MAN1A1: variants seen among roughly 807,000 people sequenced by gnomAD.
MAN1A1 encodes mannosidase alpha class 1A member 1.
In MAN1A1, 29 loss-of-function variants were observed where a neutral mutation model predicts 70.8. The observed-to-expected ratio is 0.41, with a 90% CI of 0.31 to 0.56. MAN1A1 has a LOEUF of 0.56. MAN1A1 is among the 20% of genes least tolerant of loss of function. The probability of loss-of-function intolerance (pLI) is 0.29; values close to 1 mark genes in which losing one functional copy is unlikely to be tolerated. For missense variants in MAN1A1, 747 were observed against 841.3 expected, an observed-to-expected ratio of 0.89 and a Z score of 1.39; for synonymous variants, 349 against 330.1, an observed-to-expected ratio of 1.06 and a Z score of -0.62.
At chr6:119,216,478 G>GA (rs1774206226) in intron 6 of MAN1A1, among the ~76,000 whole-genome samples, 1 of 152,186 alleles carries the variant, frequency 6.6e-6, no homozygotes, top group South Asian at 2.1e-4. Flanking sequence ...GCTAGCTCTA[G>GA]CAGCTGGGTA....
chr6:119,229,542 T>C (rs1055991769), intron 6 of MAN1A1, among the ~76,000 whole-genome samples: 23 of 152,246 alleles, frequency 1.5e-4, no homozygotes, highest in African/African-American at 4.8e-4. Context: ...AGCTTAAATA[T>C]GTAGGTATAT....
intron 5 of MAN1A1, among the ~76,000 whole-genome samples, chr6:119,249,210 A>G (rs955230348): frequency 6.6e-6 from 1 of 152,152 alleles, no homozygotes. Flanking sequence ...GGAATGGGGC[A>G]GCCTCCCTGA....
chr6:119,344,106 T>C (rs1773666696), intron 2 of MAN1A1, among the ~76,000 whole-genome samples: 1 of 152,232 alleles, frequency 6.6e-6, no homozygotes, highest in Non-Finnish European at 1.5e-5. Flanking sequence ...GATAAATTTT[T>C]CAAGATGGTT....
At chr6:119,256,927 G>A (rs898166331) in intron 5 of MAN1A1, among the ~76,000 whole-genome samples, 2 of 152,136 alleles carry the variant, frequency 1.3e-5, no homozygotes, top group Non-Finnish European at 2.9e-5. Flanking sequence ...CAACCAGGAA[G>A]GTAAGTCAGC....
intron 8 of MAN1A1, among the ~76,000 whole-genome samples, chr6:119,195,487 G>C (rs1354867123): frequency 2.0e-5 from 3 of 152,152 alleles, no homozygotes; most frequent in Non-Finnish European, 4.4e-5. Context: ...TTCCTCAAAG[G>C]AGTGTTCTCT....
At chr6:119,248,987 C>T (rs1365668919) in intron 5 of MAN1A1, among the ~76,000 whole-genome samples, 1 of 152,134 alleles carries the variant, frequency 6.6e-6, no homozygotes, top group Non-Finnish European at 1.5e-5. Context: ...ATATCTAGAA[C>T]ACAGATATAA....
rs143007647 is a variant in MAN1A1, at chr6:119,281,233, C to T, written c.897+9450G>A. ...GGTGCCACTTTATTGAAGGGTTTTT[C>T]CAGTGAGACTGGCTGGCTCCAGTTT... On this transcript the variant is annotated intron_variant, in intron 5 of 12. Transcript: ENST00000368468. Among the ~76,000 whole-genome samples the T allele has an allele frequency of 3.5e-3, 526 of 152,300 alleles. 4 individuals carry two copies. Among genetic ancestry groups the T allele is most frequent in the African/African-American group, 0.012 (496 of 41,556 alleles).
chr6:119,306,213 G>A (rs1163363293), intron 3 of MAN1A1, among the ~76,000 whole-genome samples: 3 of 152,120 alleles, frequency 2.0e-5, no homozygotes, highest in South Asian at 2.1e-4. Context: ...AAATTTTGAG[G>A]ATTAGAAAGA....
intron 6 of MAN1A1, among the ~76,000 whole-genome samples, chr6:119,224,558 A>G (rs1032373173): frequency 6.6e-6 from 1 of 152,220 alleles, no homozygotes; most frequent in Non-Finnish European, 1.5e-5. Flanking sequence ...AACAATAACA[A>G]AATAATTCTC....
intron 6 of MAN1A1, among the ~76,000 whole-genome samples, chr6:119,238,392 A>C (rs1250251335): frequency 1.3e-5 from 2 of 152,262 alleles, no homozygotes; most frequent in Non-Finnish European, 2.9e-5. Context: ...TTTTAAAAGA[A>C]AGAAACATAC....
Position 119,188,571 on chromosome 6 carries a change from T to G in MAN1A1, c.1553A>C (p.Lys518Thr), listed in dbSNP as rs1392190480. The G allele has an allele frequency of 3.1e-6, 5 of 1,612,876 alleles. No homozygotes were observed. Among genetic ancestry groups the G allele is most frequent in the Non-Finnish European group, 4.2e-6 (5 of 1,179,562 alleles). The change falls in exon 11 of 13, where the codon AAA (lysine) becomes ACA (threonine). Residue 518 changes from lysine to threonine, a missense_variant. Transcript: ENST00000368468. ...CHESYNRTFMKLGPEAFRFDG... is the reference protein window; with the variant it reads ...CHESYNRTFMTLGPEAFRFDG... Reference sequence around the variant, plus strand: ...AAATCTGAAAGCTTCTGGTCCCAGTTTCATAACTAAAGGACATGGAATGAA... The same window carrying G: ...AAATCTGAAAGCTTCTGGTCCCAGTGTCATAACTAAAGGACATGGAATGAA...
At chr6:119,228,861 T>C in intron 6 of MAN1A1, among the ~76,000 whole-genome samples, 1 of 152,182 alleles carries the variant, frequency 6.6e-6, no homozygotes, top group East Asian at 1.9e-4. Context: ...AAACTTCATA[T>C]GTGTAACTCT....
intron 11 of MAN1A1, among the ~76,000 whole-genome samples, chr6:119,180,763 C>T (rs1313528615): frequency 6.7e-6 from 1 of 148,576 alleles, no homozygotes; most frequent in Non-Finnish European, 1.5e-5. Context: ...ATCTGCTTGC[C>T]TCGGCCTCCC....
At chr6:119,282,837 T>TA (rs1343011234) in intron 5 of MAN1A1, among the ~76,000 whole-genome samples, 1 of 152,228 alleles carries the variant, frequency 6.6e-6, no homozygotes, top group East Asian at 1.9e-4. Context: ...GAAATTGGCA[T>TA]AAATGTGTCA....
chr6:119,343,120 T>C (rs1476824502), intron 2 of MAN1A1, among the ~76,000 whole-genome samples: 2 of 151,978 alleles, frequency 1.3e-5, no homozygotes, highest in African/African-American at 4.8e-5. Context: ...AAAACTACTT[T>C]GATCCATCGT....
chr6:119,291,243 G>A (rs1169689418), intron 4 of MAN1A1, among the ~76,000 whole-genome samples: 1 of 151,942 alleles, frequency 6.6e-6, no homozygotes, highest in Non-Finnish European at 1.5e-5. Context: ...CTCTTTGCCT[G>A]TTGCCATCCA....
At chr6:119,205,826 T>C (rs1238416481) in intron 6 of MAN1A1, among the ~76,000 whole-genome samples, 8 of 152,266 alleles carry the variant, frequency 5.3e-5, no homozygotes, top group Admixed American at 1.3e-4. Flanking sequence ...GCATGCCTAC[T>C]ATTTGCTAGG....
intron 8 of MAN1A1, among the ~76,000 whole-genome samples, chr6:119,197,697 C>T (rs955596130): frequency 6.6e-6 from 1 of 151,770 alleles, no homozygotes; most frequent in African/African-American, 2.4e-5. Context: ...AAGCAGGCCT[C>T]GATTGAAGAA....
chr6:119,177,338 T>C lies in MAN1A1; in HGVS notation c.*2481A>G, dbSNP rs555877616. 2 of 152,238 alleles carry C rather than the reference T, an allele frequency of 1.3e-5. No homozygotes were observed. Among genetic ancestry groups the C allele is most frequent in the African/African-American group, 4.8e-5 (2 of 41,580 alleles). The allele number at this position is 152,238 out of a possible 1,614,324, so 9.4% of individuals were successfully genotyped here. ...AGTTGAAAATGACAGAATGGATTTA[T>C]GTAAAAATAAAAAACAATCAATGTA... On this transcript the variant is annotated 3_prime_UTR_variant, in exon 13 of 13. Coordinates refer to ENST00000368468, the MANE Select transcript of MAN1A1 (RefSeq NM_005907.4).
Sources: gnomAD v4.1 joint callset for allele counts (sites outside exome capture counted in the v4.1 genomes callset) on GRCh38, gnomAD v4.1.1 for gene constraint, MANE v1.5 for transcripts, NCBI Gene and HGNC (gene_info 2026-07-23, HGNC 2026-07-21) for gene names.